The following FGF14 variants were observed in gnomAD, a reference collection of about 807,000 sequenced individuals.
The protein encoded by FGF14 is fibroblast growth factor 14, also known as fibroblast growth factor homologous factor 4.
A neutral mutation model predicts 25.5 loss-of-function variants in FGF14; 5 were observed. The ratio of observed to expected loss-of-function variants is 0.20; its 90% confidence interval spans 0.10 to 0.41. The LOEUF (loss-of-function observed/expected upper bound fraction) is 0.41, where lower values mean the gene tolerates loss of function less well. Ranked by LOEUF, FGF14 falls within the 10% of genes least tolerant of loss-of-function variation. The probability of loss-of-function intolerance (pLI) is 1.00; values close to 1 mark genes in which losing one functional copy is unlikely to be tolerated. For synonymous variants in FGF14, 138 were observed against 118.3 expected (o/e 1.17, Z -1.08); for missense variants, 222 against 320.1 (o/e 0.69, Z 2.34).
intron 1 of FGF14, among the ~76,000 whole-genome samples, chr13:102,273,742 T>C (rs1022841156): frequency 6.6e-6 from 1 of 151,850 alleles, no homozygotes; most frequent in Non-Finnish European, 1.5e-5. Flanking sequence ...TCCAGGAGTT[T>C]AGGACCAGCC....
chr13:102,296,083 A>G (rs1226162862), intron 1 of FGF14, among the ~76,000 whole-genome samples: 1 of 150,798 alleles, frequency 6.6e-6, no homozygotes, highest in African/African-American at 2.5e-5. Flanking sequence ...TTAGAAAACC[A>G]TTGTTATTTG....
intron 1 of FGF14, among the ~76,000 whole-genome samples, chr13:102,143,689 G>C (rs775450073): frequency 2.0e-4 from 30 of 152,158 alleles, no homozygotes; most frequent in Non-Finnish European, 3.8e-4. Flanking sequence ...CTACTGACTT[G>C]ATAGAGTCAA....
At chr13:101,855,511 C>G (rs1349427259) in intron 3 of FGF14, among the ~76,000 whole-genome samples, 1 of 151,920 alleles carries the variant, frequency 6.6e-6, no homozygotes, top group Non-Finnish European at 1.5e-5. Flanking sequence ...CTGGGCCAGT[C>G]TCTTTCTTGT....
At chr13:101,815,888 C>A (rs190679607) in intron 3 of FGF14, among the ~76,000 whole-genome samples, 1 of 152,222 alleles carries the variant, frequency 6.6e-6, no homozygotes, top group Admixed American at 6.5e-5. Context: ...AAGGAATAAG[C>A]CCTCTTAGCT....
chr13:102,319,268 G>A (rs2056153307), intron 1 of FGF14, among the ~76,000 whole-genome samples: 1 of 152,196 alleles, frequency 6.6e-6, no homozygotes, highest in Non-Finnish European at 1.5e-5. Context: ...ATATGCAAAT[G>A]ATGGACTACA....
intron 1 of FGF14, among the ~76,000 whole-genome samples, chr13:102,286,117 A>C (rs1240270190): frequency 1.3e-5 from 2 of 152,178 alleles, no homozygotes; most frequent in African/African-American, 4.8e-5. Flanking sequence ...GGAGGTAAGT[A>C]GTCTCGTTCA....
intron 3 of FGF14, among the ~76,000 whole-genome samples, chr13:101,819,878 T>A (rs991149370): frequency 1.3e-5 from 2 of 152,188 alleles, no homozygotes; most frequent in African/African-American, 4.8e-5. Context: ...GTTGAGGGCA[T>A]CCCTGATGGA....
chr13:101,987,049 C>T (rs187788604), intron 1 of FGF14, among the ~76,000 whole-genome samples: 1 of 152,020 alleles, frequency 6.6e-6, no homozygotes, highest in African/African-American at 2.4e-5. Flanking sequence ...CCACCTTAGT[C>T]CATGCCATGA....
At chr13:102,196,575 T>C (rs1392876463) in intron 1 of FGF14, among the ~76,000 whole-genome samples, 2 of 152,214 alleles carry the variant, frequency 1.3e-5, no homozygotes, top group African/African-American at 4.8e-5. Context: ...CCAATAATAA[T>C]TGTATTTATT....
intron 1 of FGF14, among the ~76,000 whole-genome samples, chr13:101,907,084 G>A (rs536406378): frequency 8.5e-5 from 13 of 152,200 alleles, no homozygotes; most frequent in African/African-American, 2.4e-4. Context: ...AAAAGCAGCC[G>A]TTGCTTAATC....
intron 1 of FGF14, among the ~76,000 whole-genome samples, chr13:102,015,734 C>T (rs1162649993): frequency 2.0e-5 from 3 of 151,956 alleles, no homozygotes; most frequent in Non-Finnish European, 4.4e-5. Context: ...GCTATTTTTC[C>T]AAAGATCCTA....
chr13:101,958,885 T>C (rs2036668034), intron 1 of FGF14, among the ~76,000 whole-genome samples: 1 of 152,212 alleles, frequency 6.6e-6, no homozygotes, highest in Admixed American at 6.5e-5. Context: ...GCAATTGCTA[T>C]GGCTTTATCA....
upstream of FGF14, among the ~76,000 whole-genome samples, chr13:101,918,862 C>T (rs1253479618): frequency 1.3e-5 from 2 of 152,206 alleles, no homozygotes; most frequent in Non-Finnish European, 2.9e-5. Context: ...TTATTTTCTA[C>T]ACTTTGCTAT....
chr13:101,840,885 C>T (rs1398233076), intron 3 of FGF14, among the ~76,000 whole-genome samples: 8 of 151,936 alleles, frequency 5.3e-5, no homozygotes, highest in African/African-American at 1.4e-4. Flanking sequence ...TTTATGTCTA[C>T]ATAAACTGGT....
intron 1 of FGF14, chr13:102,368,019 G>A (rs1165923019): frequency 6.6e-6 from 1 of 152,142 alleles, no homozygotes; most frequent in East Asian, 1.9e-4. Context: ...CAGGGAGTGT[G>A]ACCGCATCGT....
intron 1 of FGF14, among the ~76,000 whole-genome samples, chr13:102,136,205 T>C (rs548079013): frequency 3.9e-4 from 59 of 152,266 alleles, no homozygotes; most frequent in African/African-American, 1.4e-3. Flanking sequence ...ACACTGATAG[T>C]TGATATTTAT....
intron 3 of FGF14, among the ~76,000 whole-genome samples, chr13:101,867,903 C>T (rs1192966029): frequency 1.4e-5 from 2 of 147,302 alleles, no homozygotes; most frequent in South Asian, 2.2e-4. Context: ...CACACACACA[C>T]ACACACACAC....
chr13:101,952,919 A>G (rs1251247295), intron 1 of FGF14, among the ~76,000 whole-genome samples: 2 of 152,184 alleles, frequency 1.3e-5, no homozygotes, highest in Non-Finnish European at 1.5e-5. Context: ...CTGTGATCCT[A>G]GCTACTCAGG....
At chr13:101,855,346 T>C (rs922643288) in intron 3 of FGF14, among the ~76,000 whole-genome samples, 1 of 152,018 alleles carries the variant, frequency 6.6e-6, no homozygotes, top group Non-Finnish European at 1.5e-5. Flanking sequence ...TCAAAACTAT[T>C]TTAAAGTACC....
Sources: gnomAD v4.1 joint callset for allele counts (sites outside exome capture counted in the v4.1 genomes callset) on GRCh38, gnomAD v4.1.1 for gene constraint, MANE v1.5 for transcripts, NCBI Gene and HGNC (gene_info 2026-07-23, HGNC 2026-07-21) for gene names.